The following CHL1 variants were observed in gnomAD, a reference collection of about 807,000 sequenced individuals.
The protein encoded by CHL1 is neural cell adhesion molecule L1-like protein.
CHL1 carries 96 observed loss-of-function variants against 141.9 expected under a neutral mutation model. The observed-to-expected ratio is 0.68, with a 90% confidence interval of 0.57 to 0.80. CHL1 has a LOEUF of 0.80. Among genes scored for constraint, CHL1 ranks in the 30% least tolerant of loss-of-function variants. The pLI is 0.00. For missense variants in CHL1, 1,820 were observed against 1,457.2 expected (o/e 1.25, Z -4.05); for synonymous variants, 613 against 502.2 (o/e 1.22, Z -2.95).
intron 1 of CHL1, among the ~76,000 whole-genome samples, chr3:201,839 A>G (rs1010709884): frequency 1.3e-5 from 2 of 152,170 alleles, no homozygotes; most frequent in Non-Finnish European, 2.9e-5. Flanking sequence ...TCTGTTGCCC[A>G]TCTTCTGATT....
intron 1 of CHL1, among the ~76,000 whole-genome samples, chr3:239,989 G>T (rs1235045232): frequency 2.0e-5 from 3 of 152,210 alleles, no homozygotes; most frequent in African/African-American, 7.2e-5. Flanking sequence ...TTATCCACTT[G>T]TTGATTGATG....
At chr3:308,710 G>A (rs1466913147) in intron 2 of CHL1, 1 of 151,984 alleles carries the variant, frequency 6.6e-6, no homozygotes, top group Non-Finnish European at 1.5e-5. Context: ...GGAAGGAGGC[G>A]CGTTGGTTTG....
rs370354219 is a variant in CHL1, at chr3:240,417, A to T, written c.-174-4196A>T. 2.7e-4 allele frequency among the ~76,000 whole-genome samples: 41 copies of T among 152,132 alleles called. No individual in the cohort carries two copies. In the East Asian group the frequency reaches 6.6e-3, roughly 24 times the overall value. On this transcript the variant is annotated intron_variant, in intron 1 of 27. Transcript: ENST00000256509. ...ATCTTCTTTTGAGAATTGTCTATTC[A>T]TGTCCTTAGCCCACTTTATGATGGG...
chr3:353,775 T>C (rs1448053770), intron 10 of CHL1, among the ~76,000 whole-genome samples: 2 of 152,202 alleles, frequency 1.3e-5, no homozygotes, highest in Non-Finnish European at 2.9e-5. Context: ...TTTGGGGAAA[T>C]AACCAAACTA....
intron 2 of CHL1, among the ~76,000 whole-genome samples, chr3:318,376 G>A (rs1700300117): frequency 6.6e-6 from 1 of 151,722 alleles, no homozygotes; most frequent in African/African-American, 2.4e-5. Flanking sequence ...AGTTCTAAGT[G>A]AACACATAGA....
intron 4 of CHL1, among the ~76,000 whole-genome samples, chr3:326,844 A>G (rs1460581437): frequency 6.6e-6 from 1 of 151,918 alleles, no homozygotes; most frequent in Admixed American, 6.6e-5. Flanking sequence ...ATGATTTTCA[A>G]TTGTATCATG....
chr3:395,813 T>A (rs1451576198), intron 24 of CHL1, among the ~76,000 whole-genome samples: 1 of 152,194 alleles, frequency 6.6e-6, no homozygotes, highest in Non-Finnish European at 1.5e-5. Flanking sequence ...CTTTTCCAAG[T>A]TGTAGATTAG....
At chr3:332,585 A>AAGC (rs1346502099) in intron 5 of CHL1, among the ~76,000 whole-genome samples, 8 of 152,140 alleles carry the variant, frequency 5.3e-5, no homozygotes, top group African/African-American at 1.9e-4. Context: ...AGTAAGTGTG[A>AAGC]AGCATCCCGT....
At chr3:360,059 T>G (rs576017963) in intron 11 of CHL1, among the ~76,000 whole-genome samples, 1 of 152,270 alleles carries the variant, frequency 6.6e-6, no homozygotes, top group Non-Finnish European at 1.5e-5. Flanking sequence ...GAGCAGATAT[T>G]TTGTTGCTAA....
At chr3:310,714 C>G (rs762372427) in intron 2 of CHL1, among the ~76,000 whole-genome samples, 3 of 152,204 alleles carry the variant, frequency 2.0e-5, no homozygotes, top group Non-Finnish European at 4.4e-5. Flanking sequence ...TTTGTTACAA[C>G]TGATGAACCT....
chr3:287,338 A>C (rs1697253031), intron 2 of CHL1, among the ~76,000 whole-genome samples: 1 of 152,142 alleles, frequency 6.6e-6, no homozygotes, highest in Non-Finnish European at 1.5e-5. Flanking sequence ...ACATGCAGAC[A>C]CTCAATGTAT....
chr3:260,924 G>A (rs548107111), intron 2 of CHL1, among the ~76,000 whole-genome samples: 5 of 152,130 alleles, frequency 3.3e-5, no homozygotes, highest in Non-Finnish European at 7.4e-5. Flanking sequence ...TCAGAAATTA[G>A]CCTGGTTTTT....
chr3:375,259 A>T (rs992160742), intron 15 of CHL1, among the ~76,000 whole-genome samples: 1 of 152,072 alleles, frequency 6.6e-6, no homozygotes, highest in Non-Finnish European at 1.5e-5. Flanking sequence ...TGCTTAACAA[A>T]GGTAATGGGG....
At chr3:339,968 C>G (rs1459878781) in intron 5 of CHL1, among the ~76,000 whole-genome samples, 3 of 152,074 alleles carry the variant, frequency 2.0e-5, no homozygotes, top group Non-Finnish European at 4.4e-5. Flanking sequence ...GCAAATTCCC[C>G]CACCAAAAGT....
At chr3:278,372 T>G (rs776707031) in intron 2 of CHL1, among the ~76,000 whole-genome samples, 1 of 152,220 alleles carries the variant, frequency 6.6e-6, no homozygotes, top group Non-Finnish European at 1.5e-5. Context: ...AAGTGGCGGC[T>G]AATGTGGGAG....
chr3:219,125 G>A (rs1204418766), intron 1 of CHL1, among the ~76,000 whole-genome samples: 1 of 148,104 alleles, frequency 6.8e-6, no homozygotes, highest in African/African-American at 2.5e-5. Flanking sequence ...CTCCAGCCTG[G>A]GCGACAGAGT....
chr3:232,014 A>G (rs1459053204), intron 1 of CHL1, among the ~76,000 whole-genome samples: 1 of 152,006 alleles, frequency 6.6e-6, no homozygotes, highest in Non-Finnish European at 1.5e-5. Context: ...AAATCTCTGG[A>G]TTTCCTTATA....
chr3:344,089 G>A (rs1354049452), intron 8 of CHL1, among the ~76,000 whole-genome samples: 1 of 152,138 alleles, frequency 6.6e-6, no homozygotes, highest in Non-Finnish European at 1.5e-5. Context: ...ACTACAGGTA[G>A]AGTTGCCGAA....
chr3:284,896 A>G (rs1696993858), intron 2 of CHL1, among the ~76,000 whole-genome samples: 1 of 152,202 alleles, frequency 6.6e-6, no homozygotes, highest in African/African-American at 2.4e-5. Context: ...TAATGCAATT[A>G]AGTACAAAAT....
Sources: allele counts gnomAD v4.1 joint callset (sites outside exome capture counted in the v4.1 genomes callset), GRCh38; gene constraint gnomAD v4.1.1; transcripts MANE v1.5; gene names NCBI Gene and HGNC (gene_info 2026-07-23, HGNC 2026-07-21).